DPY19L2: variants seen among roughly 807,000 people sequenced by gnomAD.
DPY19L2 encodes dpy-19 like 2, also known as probable C-mannosyltransferase DPY19L2.
A neutral mutation model predicts 97.9 loss-of-function variants in DPY19L2; 34 were observed. The observed-to-expected ratio is 0.35, with a 90% CI of 0.26 to 0.46. DPY19L2 has a LOEUF of 0.46. Ranked by LOEUF, DPY19L2 falls within the 20% of genes least tolerant of loss-of-function variation. The probability of loss-of-function intolerance (pLI) is 1.00; values close to 1 mark genes in which losing one functional copy is unlikely to be tolerated. For missense variants in DPY19L2, 623 were observed against 911.4 expected (o/e 0.68, Z 4.07); for synonymous variants, 230 against 307.9 (o/e 0.75, Z 2.65).
rs1403627218 is a variant in DPY19L2, at chr12:63,624,098, C to T, written c.895G>A (p.Glu299Lys). Residue 299 changes from glutamate (E) to lysine (K), a missense_variant, in exon 8 of 22, where the codon GAA becomes AAA. By Grantham distance (56) the Glu-to-Lys change is moderately conservative. Around this residue, in one of 6 missense-constraint regions of DPY19L2, gnomAD observed 67 missense variants for 88.0 expected, o/e 0.76. Transcript: ENST00000324472. ...TRVMWTPPLRESFSYPFLVLQ... is the reference protein window; with the variant it reads ...TRVMWTPPLRKSFSYPFLVLQ... ...ACAAGGAAAGGATAGGAAAAACTTT[C>T]ACGGAGAGGTGGTGTCCACATCACA... The T allele has an allele frequency of 5.0e-6, 8 of 1,611,644 alleles. No homozygotes were observed. Among genetic ancestry groups the T allele is most frequent in the Non-Finnish European group, 8.5e-7 (1 of 1,179,646 alleles).
At chr12:63,589,159 G>A (rs1330588694) in intron 16 of DPY19L2, among the ~76,000 whole-genome samples, 1 of 151,804 alleles carries the variant, frequency 6.6e-6, no homozygotes, top group Non-Finnish European at 1.5e-5. Flanking sequence ...AACAAAATAA[G>A]GGCAAGCCCA....
In DPY19L2 at chr12:63,647,273, T is replaced by C; in HGVS notation, c.681A>G (p.Glu227=). The change falls in exon 5 of 22, where the codon GAA becomes GAG. Residue 227 remains glutamate, a synonymous_variant. Transcript: ENST00000324472. ...TKTCWNVTRI[E]PLNEVQSCEG... is the part of the protein sequence containing the mutation. Reference sequence around the variant, plus strand: ...CACAGCTTTGAACTTCATTAAGAGGTTCTATTCTGGTGACATTCCAGCAGG... The same window carrying C: ...CACAGCTTTGAACTTCATTAAGAGGCTCTATTCTGGTGACATTCCAGCAGG... The C allele has an allele frequency of 6.3e-7, 1 of 1,581,538 alleles. No individual in the cohort carries two copies. Among genetic ancestry groups the C allele is most frequent in the East Asian group, 2.3e-5 (1 of 43,252 alleles).
intron 15 of DPY19L2, among the ~76,000 whole-genome samples, chr12:63,594,594 TGC>T (rs201017119): frequency 1.5e-3 from 221 of 148,518 alleles, no homozygotes; most frequent in African/African-American, 5.2e-3. Context: ...TGTGTGTGTG[TGC>T]GTGCACGTGT....
rs566851568 is a variant in DPY19L2 at position 63,586,691 on chromosome 12, G to C, written c.1581-2855C>G. On this transcript the variant is annotated intron_variant, in intron 16 of 21. Coordinates refer to ENST00000324472, the MANE Select transcript of DPY19L2 (RefSeq NM_173812.5). ...GTGAGGATTTATTGAGTTAATACTGGTAAGAAGCTTAAAATACTGTCAGAC... is the reference window on the plus strand; with the variant it reads ...GTGAGGATTTATTGAGTTAATACTGCTAAGAAGCTTAAAATACTGTCAGAC... Among the ~76,000 whole-genome samples the C allele has an allele frequency of 5.8e-4, 89 of 152,278 alleles. 1 individual carries two copies. The highest frequency in any genetic ancestry group is 2.0e-3 in the African/African-American group (85 of 41,548).
At chr12:63,603,768 T>C (rs1276853160) in intron 12 of DPY19L2, among the ~76,000 whole-genome samples, 1 of 152,176 alleles carries the variant, frequency 6.6e-6, no homozygotes, top group African/African-American at 2.4e-5. Context: ...ATCCAGTCTA[T>C]CATTCATGGA....
At chr12:63,617,869 T>C (rs1474134954) in intron 10 of DPY19L2, among the ~76,000 whole-genome samples, 2 of 151,988 alleles carry the variant, frequency 1.3e-5, no homozygotes, top group African/African-American at 4.8e-5. Context: ...AAAAATCTCA[T>C]GTCTGAGAAA....
chr12:63,612,603 T>TAAA (rs61376652), intron 11 of DPY19L2, among the ~76,000 whole-genome samples: 4,170 of 133,918 alleles, frequency 0.031, 97 homozygotes, highest in Middle Eastern at 0.061. Context: ...TTTATACCTT[T>TAAA]AAAAAAAAAA....
chr12:63,620,672 T>C (rs1341902239), intron 9 of DPY19L2, among the ~76,000 whole-genome samples: 5 of 152,158 alleles, frequency 3.3e-5, no homozygotes, highest in Non-Finnish European at 7.4e-5. Flanking sequence ...AAAATTTATA[T>C]GGAAACAACC....
At chr12:63,650,680 G>A (rs1221573807) in intron 4 of DPY19L2, among the ~76,000 whole-genome samples, 1 of 152,116 alleles carries the variant, frequency 6.6e-6, no homozygotes, top group Admixed American at 6.5e-5. Flanking sequence ...ACTGCTGAAA[G>A]AAATCAGGGG....
intron 4 of DPY19L2, among the ~76,000 whole-genome samples, chr12:63,654,053 C>T (rs1221074860): frequency 4.0e-5 from 6 of 151,652 alleles, no homozygotes; most frequent in African/African-American, 1.5e-4. Context: ...ACTTTTAGAA[C>T]AGACATCTAT....
In DPY19L2 at chr12:63,600,203, A is replaced by C. The variant is rs533122450; in HGVS notation, c.1359+103T>G. 4.5e-4 allele frequency: 426 copies of C among 956,374 alleles called. 10 individuals carry two copies. The South Asian group carries it at 5.1e-3, about 11-fold the overall frequency. The allele number at this position is 956,374 out of a possible 1,614,324, so 59.2% of individuals were successfully genotyped here. Reference sequence around the variant, plus strand: ...CTCGTCTAGAGACCTTAGAGAAGGCACTTAACCTCTGTAAAATGAAGAGAT... The same window carrying C: ...CTCGTCTAGAGACCTTAGAGAAGGCCCTTAACCTCTGTAAAATGAAGAGAT... On this transcript the variant is annotated intron_variant, in intron 13 of 21. Coordinates refer to ENST00000324472, the MANE Select transcript of DPY19L2 (RefSeq NM_173812.5).
chr12:63,614,112 C>G (rs995088575), intron 11 of DPY19L2, among the ~76,000 whole-genome samples: 21 of 150,624 alleles, frequency 1.4e-4, no homozygotes, highest in African/African-American at 5.1e-4. Context: ...ATCTCTTGAA[C>G]CCAGGAGTTG....
chr12:63,607,258 T>C (rs1214515357), intron 12 of DPY19L2, among the ~76,000 whole-genome samples: 1 of 152,152 alleles, frequency 6.6e-6, no homozygotes, highest in Non-Finnish European at 1.5e-5. Flanking sequence ...TTCTATTTAT[T>C]GTCATTTTTC....
intron 6 of DPY19L2, among the ~76,000 whole-genome samples, chr12:63,640,331 C>T (rs548281577): frequency 6.6e-6 from 1 of 151,970 alleles, no homozygotes; most frequent in South Asian, 2.1e-4. Flanking sequence ...GCACATGTAC[C>T]CTAGAACTTA....
intron 18 of DPY19L2, 47 bp downstream of exon 18, chr12:63,582,359 G>A: frequency 6.3e-7 from 1 of 1,582,012 alleles, no homozygotes. Context: ...ACTAAGTATA[G>A]CTGCTATAGT....
intron 8 of DPY19L2, 25 bp downstream of exon 8, chr12:63,624,015 C>G: frequency 2.0e-6 from 3 of 1,527,264 alleles, no homozygotes; most frequent in Non-Finnish European, 2.7e-6. Flanking sequence ...AATTTATTTG[C>G]CTTCGTTTTA....
chr12:63,629,725 G>A (rs1890242306), intron 6 of DPY19L2, among the ~76,000 whole-genome samples: 1 of 152,068 alleles, frequency 6.6e-6, no homozygotes, highest in Non-Finnish European at 1.5e-5. Context: ...ACGCCACAAA[G>A]ATACTCCTCG....
chr12:63,609,689 AACTG>A (rs1387305228), intron 11 of DPY19L2, among the ~76,000 whole-genome samples: 1 of 152,154 alleles, frequency 6.6e-6, no homozygotes, highest in East Asian at 1.9e-4. Flanking sequence ...CAACAGCCCA[AACTG>A]ACTAAGACAC....
At chr12:63,576,011 A>G (rs1471617369) in intron 19 of DPY19L2, among the ~76,000 whole-genome samples, 2 of 151,892 alleles carry the variant, frequency 1.3e-5, no homozygotes, top group Non-Finnish European at 2.9e-5. Context: ...TACGGGCCAA[A>G]ATCTCTGATT....
Sources: allele counts gnomAD v4.1 joint callset (sites outside exome capture counted in the v4.1 genomes callset), GRCh38; gene constraint gnomAD v4.1.1; regional missense constraint gnomAD v4.1.1; transcripts MANE v1.5; gene names NCBI Gene and HGNC (gene_info 2026-07-23, HGNC 2026-07-21).